The following DMD variants were observed in gnomAD, a reference collection of about 807,000 sequenced individuals.
DMD encodes dystrophin, also known as mutant dystrophin.
In DMD, 63 loss-of-function variants were observed where a neutral mutation model predicts 330.1. The ratio of observed to expected loss-of-function variants is 0.19; its 90% CI spans 0.16 to 0.24. The LOEUF (loss-of-function observed/expected upper bound fraction) is 0.24. Ranked by LOEUF, DMD falls within the 10% of genes least tolerant of loss-of-function variation. The pLI is 1.00. For missense variants in DMD, 3,344 were observed against 2,684.1 expected (o/e 1.25, Z -5.43); for synonymous variants, 1,223 against 959.8 (o/e 1.27, Z -5.07).
intron 2 of DMD, among the ~76,000 whole-genome samples, chrX:32,942,112 A>AGTGTGTGTGTGTGTGTGTGT (rs750433340): frequency 9.1e-6 from 1 of 110,070 alleles, no homozygotes; most frequent in African/African-American, 3.4e-5. Context: ...TTGAGAAGGG[A>AGTGTGTGTGTGTGTGTGTGT]GTGTGTGCGT....
intron 20 of DMD, among the ~76,000 whole-genome samples, chrX:32,485,845 G>T (rs1166099457): frequency 9.9e-6 from 1 of 100,551 alleles, no homozygotes; most frequent in Admixed American, 1.2e-4. Context: ...CCAGGTTCAA[G>T]CGATTCTTCT....
At chrX:32,221,925 G>A (rs1027860516) in intron 43 of DMD, among the ~76,000 whole-genome samples, 2 of 112,091 alleles carry the variant, frequency 1.8e-5, no homozygotes, top group Non-Finnish European at 3.8e-5. Context: ...TGCATGGTAT[G>A]TGGCTGAATA....
chrX:32,799,279 C>A (rs2076377459), intron 7 of DMD, among the ~76,000 whole-genome samples: 1 of 111,435 alleles, frequency 9.0e-6, no homozygotes, highest in Admixed American at 9.6e-5. Context: ...TAAAACCAAA[C>A]CCTAACGGGT....
At chrX:33,183,690 G>A (rs974742966) in intron 1 of DMD, among the ~76,000 whole-genome samples, 4 of 110,759 alleles carry the variant, frequency 3.6e-5, no homozygotes, top group African/African-American at 1.3e-4. Context: ...CATGATCCGC[G>A]AAATCTACAT....
intron 55 of DMD, among the ~76,000 whole-genome samples, chrX:31,584,307 G>A (rs1007059557): frequency 2.7e-5 from 3 of 109,161 alleles, no homozygotes; most frequent in Non-Finnish European, 5.7e-5. Context: ...CCCTCCATGA[G>A]TCCATGTGTT....
At chrX:32,471,138 G>A (rs2040589495) in intron 22 of DMD, among the ~76,000 whole-genome samples, 1 of 110,521 alleles carries the variant, frequency 9.0e-6, no homozygotes, top group Non-Finnish European at 1.9e-5. Context: ...AATTAGCCAG[G>A]CGTGATGGCA....
chrX:32,738,578 TTTC>T (rs1260856881), intron 7 of DMD, among the ~76,000 whole-genome samples: 1 of 111,493 alleles, frequency 9.0e-6, no homozygotes, highest in Non-Finnish European at 1.9e-5. Flanking sequence ...ACTGATCAGG[TTTC>T]TTTTCTTGGA....
At chrX:31,950,740 T>G (rs1453939230) in intron 45 of DMD, among the ~76,000 whole-genome samples, 1 of 110,829 alleles carries the variant, frequency 9.0e-6, no homozygotes, top group Admixed American at 9.7e-5. Flanking sequence ...AAAAATGTCT[T>G]TTTCTCTTGT....
chrX:31,237,383 T>C (rs185356251), intron 63 of DMD, among the ~76,000 whole-genome samples: 1 of 112,782 alleles, frequency 8.9e-6, no homozygotes, highest in African/African-American at 3.2e-5. Context: ...ATGACTCAAA[T>C]TGCCCATGCA....
chrX:31,882,148 C>A (rs912832167), intron 47 of DMD, among the ~76,000 whole-genome samples: 1 of 111,934 alleles, frequency 8.9e-6, no homozygotes, highest in Non-Finnish European at 1.9e-5. Context: ...TAAGAATATC[C>A]AAGGCAACTT....
At chrX:31,597,199 C>A (rs1447618321) in intron 55 of DMD, among the ~76,000 whole-genome samples, 1 of 110,590 alleles carries the variant, frequency 9.0e-6, no homozygotes, top group Admixed American at 9.6e-5. Context: ...TGAAGTATAC[C>A]CAAATAAACA....
At chrX:33,103,524 A>AC (rs1569554772) in intron 1 of DMD, among the ~76,000 whole-genome samples, 2 of 109,941 alleles carry the variant, frequency 1.8e-5, no homozygotes, top group Admixed American at 9.8e-5. Context: ...GCACCTTGTG[A>AC]CCCCCACTCC....
intron 23 of DMD, among the ~76,000 whole-genome samples, chrX:32,466,804 A>C (rs897926742): frequency 9.0e-6 from 1 of 111,294 alleles, no homozygotes; most frequent in East Asian, 2.8e-4. Flanking sequence ...AATAAAACAG[A>C]CTCTGTCGCA....
intron 4 of DMD, among the ~76,000 whole-genome samples, chrX:32,826,130 T>G (rs1351517530): frequency 9.0e-6 from 1 of 111,474 alleles, no homozygotes; most frequent in Admixed American, 9.5e-5. Context: ...AAATGCAAAT[T>G]AAAACTACAA....
At chrX:32,529,138 G>A (rs1438525115) in intron 17 of DMD, among the ~76,000 whole-genome samples, 1 of 105,914 alleles carries the variant, frequency 9.4e-6, no homozygotes, top group Non-Finnish European at 1.9e-5. Flanking sequence ...TTTCAGCCAG[G>A]ATGGTCTCGA....
chrX:32,904,342 G>T (rs745923583), intron 2 of DMD, among the ~76,000 whole-genome samples: 4 of 111,396 alleles, frequency 3.6e-5, no homozygotes, highest in South Asian at 7.6e-4. Context: ...GTCTCCTAGG[G>T]TATTTATTTG....
chrX:32,819,766 A>C (rs762550915), intron 5 of DMD, among the ~76,000 whole-genome samples: 1 of 109,249 alleles, frequency 9.2e-6, no homozygotes, highest in East Asian at 2.9e-4. Context: ...ATGTACATTA[A>C]GTTGACCAAA....
At chrX:32,665,713 C>G (rs1189489007) in intron 9 of DMD, among the ~76,000 whole-genome samples, 1 of 111,617 alleles carries the variant, frequency 9.0e-6, no homozygotes, top group Non-Finnish European at 1.9e-5. Context: ...AAAAGGGAAG[C>G]GAAATATGAA....
chrX:32,013,704 A>C (rs2095736513), intron 44 of DMD, among the ~76,000 whole-genome samples: 1 of 112,241 alleles, frequency 8.9e-6, no homozygotes, highest in Admixed American at 9.5e-5. Flanking sequence ...ATGCAAAAAG[A>C]TAAGATATTG....
Sources: allele counts gnomAD v4.1 joint callset (sites outside exome capture counted in the v4.1 genomes callset), GRCh38; gene constraint gnomAD v4.1.1; transcripts MANE v1.5; gene names NCBI Gene and HGNC (gene_info 2026-07-23, HGNC 2026-07-21).